KYNU: variants seen among roughly 807,000 people sequenced by gnomAD.
KYNU encodes the protein kynureninase.
KYNU carries 54 observed loss-of-function variants against 59.2 expected under a neutral mutation model. The observed-to-expected ratio is 0.91, with a 90% CI of 0.73 to 1.14. The LOEUF (loss-of-function observed/expected upper bound fraction) is 1.14, where lower values mean the gene tolerates loss of function less well. Among genes scored for constraint, KYNU ranks in the 50% most tolerant of loss-of-function variants. The probability of loss-of-function intolerance (pLI) is 0.00; values close to 1 mark genes in which losing one functional copy is unlikely to be tolerated. For synonymous variants in KYNU, 177 were observed against 192.0 expected (o/e 0.92, Z 0.65); for missense variants, 567 against 554.4 (o/e 1.02, Z -0.23).
At chr2:142,999,916 A>G (rs1006735665) in intron 10 of KYNU, among the ~76,000 whole-genome samples, 1 of 152,192 alleles carries the variant, frequency 6.6e-6, no homozygotes, top group Non-Finnish European at 1.5e-5. Flanking sequence ...ATGAACATGT[A>G]GAGCATTCAT....
At chr2:142,913,054 G>T (rs959771505) in intron 2 of KYNU, among the ~76,000 whole-genome samples, 1 of 152,022 alleles carries the variant, frequency 6.6e-6, no homozygotes, top group Non-Finnish European at 1.5e-5. Flanking sequence ...TGTCATCTTT[G>T]TTGTTTCTGA....
intron 8 of KYNU, among the ~76,000 whole-genome samples, chr2:142,962,355 C>T (rs1684382795): frequency 6.6e-6 from 1 of 152,146 alleles, no homozygotes; most frequent in South Asian, 2.1e-4. Flanking sequence ...ACAGCACCCA[C>T]CTTACAGGTT....
At chr2:142,943,429 C>T (rs772389277) in intron 4 of KYNU, among the ~76,000 whole-genome samples, 22 of 145,388 alleles carry the variant, frequency 1.5e-4, no homozygotes, top group Non-Finnish European at 3.3e-4. Flanking sequence ...AAATAATAAC[C>T]ATATTTATTC....
Position 142,918,632 on chromosome 2 carries a change from G to A in KYNU, c.193G>A (p.Asp65Asn), listed in dbSNP as rs780559952. 9 of 1,555,922 alleles carry A rather than the reference G, an allele frequency of 5.8e-6. No homozygotes were observed. The Admixed American group carries it at 1.4e-4, about 24-fold the overall frequency. ...AGTTGATTTATCATTAGTGAATAAA[G>A]ATGAAAATGCCATCTATTTCTTGGG... ...PPVDLSLVNK[D>N]ENAIYFLGNS... is the part of the protein sequence containing the mutation. The change falls in exon 3 of 14, where the codon GAT becomes AAT. Residue 65 changes from aspartate (D) to asparagine (N), a missense_variant. Asp to Asn is a conservative substitution (Grantham distance 23). Transcript: ENST00000264170.
At chr2:142,914,120 C>T (rs192049864) in intron 2 of KYNU, among the ~76,000 whole-genome samples, 41 of 152,340 alleles carry the variant, frequency 2.7e-4, no homozygotes, top group African/African-American at 9.6e-4. Context: ...CCAGGCTGGT[C>T]TCTGTGTTGA....
chr2:142,947,024 T>C, intron 4 of KYNU: 1 of 1,544,936 alleles, frequency 6.5e-7, no homozygotes. Flanking sequence ...TGGTACCCTT[T>C]TGTGGGCTGA....
At chr2:142,916,512 A>T (rs1332020886) in intron 2 of KYNU, among the ~76,000 whole-genome samples, 2 of 152,202 alleles carry the variant, frequency 1.3e-5, no homozygotes, top group East Asian at 3.8e-4. Context: ...CCTTGCTTAA[A>T]ACAAGGGTAC....
Position 143,045,700 on chromosome 2 carries a change from A to G in KYNU, c.*3528A>G, listed in dbSNP as rs529907377. 1.3e-5 allele frequency: 2 copies of G among 152,090 alleles called. No individual in the cohort carries two copies. The highest frequency in any genetic ancestry group is 1.5e-5 in the Non-Finnish European group (1 of 68,014). 9.4% of individuals were successfully genotyped at this position (152,090 alleles called of 1,614,324 possible). ...TAAAGATGGAAGATGATGTCTCTCT[A>G]TGTAACTCAGGCAGGTCTCAAACTC... On this transcript the variant is annotated 3_prime_UTR_variant, in exon 14 of 14. Coordinates refer to ENST00000264170, the MANE Select transcript of KYNU (RefSeq NM_003937.3).
chr2:143,043,225 T>C lies in KYNU; in HGVS notation c.*1053T>C, dbSNP rs191481299. ...CCAAGATCTTTTTGGGGATTAGAGATATAAGAAATATGTGCTCCATCTCTT... is the reference window on the plus strand; with the variant it reads ...CCAAGATCTTTTTGGGGATTAGAGACATAAGAAATATGTGCTCCATCTCTT... On this transcript the variant is annotated 3_prime_UTR_variant, in exon 14 of 14. Coordinates refer to ENST00000264170, the MANE Select transcript of KYNU (RefSeq NM_003937.3). 1 of 152,160 alleles carries C rather than the reference T, an allele frequency of 6.6e-6. No homozygotes were observed. Among genetic ancestry groups the C allele is most frequent in the African/African-American group, 2.4e-5 (1 of 41,564 alleles). 9.4% of individuals were successfully genotyped at this position (152,160 alleles called of 1,614,324 possible). A position where few individuals can be genotyped will look rare whatever the true frequency, so the allele number is the denominator to read the frequency against.
At chr2:142,909,756 T>C (rs1178890374) in intron 2 of KYNU, among the ~76,000 whole-genome samples, 3 of 152,236 alleles carry the variant, frequency 2.0e-5, no homozygotes, top group African/African-American at 7.2e-5. Flanking sequence ...AGTTCTGCAA[T>C]GAATCTACAA....
chr2:143,010,093 C>T (rs1558973516), intron 10 of KYNU, among the ~76,000 whole-genome samples: 1 of 144,184 alleles, frequency 6.9e-6, no homozygotes, highest in South Asian at 2.3e-4. Context: ...ATAAAGGGTA[C>T]CCAATTAGGA....
chr2:142,989,244 C>A, intron 10 of KYNU: 2 of 370,510 alleles, frequency 5.4e-6, no homozygotes, highest in Non-Finnish European at 8.0e-6. Context: ...ACTCTATTTG[C>A]CAATTAATAA....
At chr2:142,954,415 C>A (rs559228764) in intron 4 of KYNU, among the ~76,000 whole-genome samples, 125 of 152,058 alleles carry the variant, frequency 8.2e-4, no homozygotes, top group African/African-American at 3.0e-3. Context: ...TTAGAAACAA[C>A]GAACTTTAAA....
Position 143,042,972 on chromosome 2 carries a change from A to C in KYNU, c.*800A>C, listed in dbSNP as rs1040791452. The stretch of plus-strand genomic sequence containing the variant: ...CTAAATAGCAAAAATAAAAGTTTTT[A>C]CAATTATTTGCCTGTGCTCTAATAG... On this transcript the variant is annotated 3_prime_UTR_variant, in exon 14 of 14. Coordinates refer to ENST00000264170, the MANE Select transcript of KYNU (RefSeq NM_003937.3). 6.6e-6 allele frequency: 1 copy of C among 151,864 alleles called. No homozygotes were observed. The highest frequency in any genetic ancestry group is 1.5e-5 in the Non-Finnish European group (1 of 67,894). 9.4% of individuals were successfully genotyped at this position (151,864 alleles called of 1,614,324 possible).
chr2:142,939,438 C>T (rs1425100905), intron 4 of KYNU, among the ~76,000 whole-genome samples: 1 of 151,380 alleles, frequency 6.6e-6, no homozygotes, highest in Non-Finnish European at 1.5e-5. Context: ...GCTGTCTCTA[C>T]TAAAAATACA....
chr2:143,012,058 T>A (rs1417812379), intron 10 of KYNU, among the ~76,000 whole-genome samples: 3 of 127,986 alleles, frequency 2.3e-5, no homozygotes. Flanking sequence ...AAACTTAAAG[T>A]ATAATAAAAA....
At position 142,960,890 on chromosome 2, in the gene KYNU, T is replaced by A. The variant is rs1201504044; in HGVS notation, c.729+120T>A. 15 of 932,046 alleles carry A rather than the reference T, an allele frequency of 1.6e-5. No homozygotes were observed. Among genetic ancestry groups the A allele is most frequent in the Admixed American group, 6.9e-5 (3 of 43,794 alleles). 57.7% of individuals were successfully genotyped at this position (932,046 alleles called of 1,614,324 possible). ...GTCTGAGTAAAACTATTTCAAAAGT[T>A]AAAAAAAAAAAGAGTAAACCTTGGG... On this transcript the variant is annotated intron_variant, in intron 8 of 13. Transcript: ENST00000264170.
intron 4 of KYNU, among the ~76,000 whole-genome samples, chr2:142,951,997 C>G (rs1449151911): frequency 6.6e-6 from 1 of 152,172 alleles, no homozygotes; most frequent in Non-Finnish European, 1.5e-5. Context: ...ATCACATTCC[C>G]AAGCCAGAAA....
chr2:142,962,603 G>A (rs2105103252), intron 8 of KYNU, among the ~76,000 whole-genome samples: 1 of 152,182 alleles, frequency 6.6e-6, no homozygotes, highest in South Asian at 2.1e-4. Context: ...TGTTTTGCAG[G>A]TTTTCTTTAA....
Sources: allele counts gnomAD v4.1 joint callset (sites outside exome capture counted in the v4.1 genomes callset), GRCh38; gene constraint gnomAD v4.1.1; transcripts MANE v1.5; gene names NCBI Gene and HGNC (gene_info 2026-07-23, HGNC 2026-07-21).